Variants in MIR2052HG observed in about 807,000 individuals in gnomAD.
MIR2052HG encodes MIR2052 host gene.
intron 4 of MIR2052HG, among the ~76,000 whole-genome samples, chr8:74,713,438 C>A (rs1809489946): frequency 6.6e-6 from 1 of 152,138 alleles, no homozygotes; most frequent in South Asian, 2.1e-4. Context: ...AAAATCCGCA[C>A]CTTTTTTTCA....
At chr8:74,677,233 TC>T (rs1809062566) in intron 2 of MIR2052HG, among the ~76,000 whole-genome samples, 1 of 151,956 alleles carries the variant, frequency 6.6e-6, no homozygotes, top group Non-Finnish European at 1.5e-5. Flanking sequence ...CATAAACACA[TC>T]ACCATCATGA....
intron 2 of MIR2052HG, among the ~76,000 whole-genome samples, chr8:74,652,627 A>G (rs1241427254): frequency 6.6e-6 from 1 of 152,192 alleles, no homozygotes; most frequent in South Asian, 2.1e-4. Context: ...GATATCTCAC[A>G]ATTTTAAAAA....
chr8:74,653,413 C>G (rs1808772605), intron 2 of MIR2052HG, among the ~76,000 whole-genome samples: 2 of 152,002 alleles, frequency 1.3e-5, no homozygotes. Context: ...TTTTTTTAAG[C>G]TTTCTGTTTT....
At chr8:74,677,509 C>G (rs1178206283) in intron 2 of MIR2052HG, among the ~76,000 whole-genome samples, 1 of 151,996 alleles carries the variant, frequency 6.6e-6, no homozygotes, top group Non-Finnish European at 1.5e-5. Flanking sequence ...TAGTCTACCT[C>G]AGGGAAATTA....
At chr8:74,667,010 G>A (rs904570201) in intron 2 of MIR2052HG, among the ~76,000 whole-genome samples, 5 of 152,160 alleles carry the variant, frequency 3.3e-5, no homozygotes, top group African/African-American at 4.8e-5. Flanking sequence ...CTCTTCATGT[G>A]ATCTCTCCAG....
At chr8:74,604,819 C>G (rs1183020329) in intron 1 of MIR2052HG, among the ~76,000 whole-genome samples, 2 of 151,976 alleles carry the variant, frequency 1.3e-5, no homozygotes, top group Non-Finnish European at 2.9e-5. Flanking sequence ...GTCTTGAACT[C>G]CTGACCTCAA....
At chr8:74,702,418 C>T (rs1199061294) in exon 3 of MIR2052HG, 1 of 454,884 alleles carries the variant, frequency 2.2e-6, no homozygotes, top group East Asian at 7.0e-5. Flanking sequence ...GAGGCAGTTT[C>T]ATCTGATTTG....
chr8:74,658,620 A>T (rs944823474), intron 2 of MIR2052HG, among the ~76,000 whole-genome samples: 1 of 152,142 alleles, frequency 6.6e-6, no homozygotes, highest in African/African-American at 2.4e-5. Context: ...TCCTGACCTC[A>T]AGTGATCTGC....
At chr8:74,751,457 TTAAA>T (rs1809946551) in intron 4 of MIR2052HG, among the ~76,000 whole-genome samples, 1 of 152,214 alleles carries the variant, frequency 6.6e-6, no homozygotes, top group African/African-American at 2.4e-5. Context: ...CAACAGCATG[TTAAA>T]TAAAGTGTCT....
intron 1 of MIR2052HG, chr8:74,612,555 T>TCTGGA (rs1808213505): frequency 4.2e-6 from 1 of 239,918 alleles, no homozygotes; most frequent in African/African-American, 2.3e-5. Flanking sequence ...AGGTAATTTA[T>TCTGGA]ATACATGTAA....
At chr8:74,608,255 G>T (rs1808141658) in intron 1 of MIR2052HG, among the ~76,000 whole-genome samples, 1 of 151,770 alleles carries the variant, frequency 6.6e-6, no homozygotes, top group African/African-American at 2.4e-5. Flanking sequence ...GTCTGGGGAA[G>T]AAGATGTAAA....
chr8:74,628,898 A>G (rs572594504), intron 2 of MIR2052HG: 1 of 152,260 alleles, frequency 6.6e-6, no homozygotes, highest in South Asian at 2.1e-4. Flanking sequence ...AAAAGAAAAA[A>G]AAAATTGGTA....
chr8:74,720,363 T>C (rs1050183722), intron 4 of MIR2052HG, among the ~76,000 whole-genome samples: 4 of 152,206 alleles, frequency 2.6e-5, no homozygotes, highest in Non-Finnish European at 4.4e-5. Flanking sequence ...TCTATCTCTC[T>C]TGTGACACTT....
chr8:74,753,642 TACCCCCAGG>T (rs1299826628), intron 5 of MIR2052HG, among the ~76,000 whole-genome samples: 6 of 152,154 alleles, frequency 3.9e-5, no homozygotes, highest in Non-Finnish European at 8.8e-5. Flanking sequence ...GCATTCTTCT[TACCCCCAGG>T]ACTACCTGAA....
chr8:74,729,441 G>A (rs1350925846), intron 4 of MIR2052HG, among the ~76,000 whole-genome samples: 2 of 152,232 alleles, frequency 1.3e-5, no homozygotes, highest in Middle Eastern at 3.4e-3. Context: ...CATGCTATCA[G>A]CTGTAAGACC....
intron 4 of MIR2052HG, among the ~76,000 whole-genome samples, chr8:74,710,769 A>G (rs1809459398): frequency 6.6e-6 from 1 of 152,192 alleles, no homozygotes; most frequent in Admixed American, 6.6e-5. Context: ...ATCTGTAATC[A>G]GTGCTTTTAA....
At chr8:74,625,914 T>C (rs1808428338) in intron 2 of MIR2052HG, among the ~76,000 whole-genome samples, 1 of 152,216 alleles carries the variant, frequency 6.6e-6, no homozygotes, top group Non-Finnish European at 1.5e-5. Context: ...GCAGTCACCC[T>C]ACAGCAATCT....
intron 4 of MIR2052HG, among the ~76,000 whole-genome samples, chr8:74,723,091 A>G (rs1809595623): frequency 6.6e-6 from 1 of 152,212 alleles, no homozygotes; most frequent in Admixed American, 6.5e-5. Flanking sequence ...CATTGGTTTT[A>G]GCCAAACTAT....
chr8:74,619,426 C>A (rs1216987501), intron 2 of MIR2052HG, among the ~76,000 whole-genome samples: 1 of 152,056 alleles, frequency 6.6e-6, no homozygotes, highest in African/African-American at 2.4e-5. Flanking sequence ...GACTCATAGA[C>A]CAATTATATT....
Sources: gnomAD v4.1 joint callset for allele counts (sites outside exome capture counted in the v4.1 genomes callset) on GRCh38, gnomAD v4.1.1 for gene constraint, MANE v1.5 for transcripts, NCBI Gene and HGNC (gene_info 2026-07-23, HGNC 2026-07-21) for gene names.